The following KDM1A variants were observed in gnomAD, a reference collection of about 807,000 sequenced individuals.
The protein encoded by KDM1A is lysine demethylase 1A.
In KDM1A, 49 loss-of-function variants were observed where a neutral mutation model predicts 109.4. The observed-to-expected ratio is 0.45, with a 90% CI of 0.36 to 0.57. The LOEUF (loss-of-function observed/expected upper bound fraction) is 0.57, where lower values mean the gene tolerates loss of function less well. Ranked by LOEUF, KDM1A falls within the 20% of genes least tolerant of loss-of-function variation. The probability of loss-of-function intolerance (pLI) is 0.00; values close to 1 mark genes in which losing one functional copy is unlikely to be tolerated. For missense variants in KDM1A, 668 were observed against 1,116.6 expected (o/e 0.60, Z 5.73); for synonymous variants, 380 against 415.4 (o/e 0.91, Z 1.04).
rs541615915 is a variant in KDM1A at position 23,082,089 on chromosome 1, A to T, written c.2299-131A>T. ...TTTTAAAGCAGGCATTCATCACTTGATCACTGGCTCTCACATGTTGCCCCT... is the reference window on the plus strand; with the variant it reads ...TTTTAAAGCAGGCATTCATCACTTGTTCACTGGCTCTCACATGTTGCCCCT... On this transcript the variant is annotated intron_variant, in intron 19 of 20. Coordinates refer to ENST00000400181, the MANE Select transcript of KDM1A (RefSeq NM_001009999.3). 2.2e-5 allele frequency: 20 copies of T among 901,950 alleles called. No individual in the cohort carries two copies. In the African/African-American group the frequency reaches 2.8e-4, roughly 13 times the overall value. The allele number at this position is 901,950 out of a possible 1,614,324, so 55.9% of individuals were successfully genotyped here.
At chr1:23,030,780 T>A in intron 2 of KDM1A, 146 bp downstream of exon 2, 1 of 778,778 alleles carries the variant, frequency 1.3e-6, no homozygotes, top group Non-Finnish European at 2.0e-6. Flanking sequence ...TGTGTCTTTG[T>A]GTGTGTGTAT....
intron 1 of KDM1A, among the ~76,000 whole-genome samples, chr1:23,026,327 T>C (rs1359029616): frequency 1.3e-5 from 2 of 151,946 alleles, no homozygotes; most frequent in Non-Finnish European, 2.9e-5. Flanking sequence ...TGTTATGATA[T>C]AGGAATGCAA....
At position 23,071,372 on chromosome 1, in the gene KDM1A, T is replaced by TA; in HGVS notation, c.1548+14dup. 6.3e-7 allele frequency: 1 copy of TA among 1,580,034 alleles called. No individual in the cohort carries two copies. Among genetic ancestry groups the TA allele is most frequent in the Non-Finnish European group, 8.5e-7 (1 of 1,170,214 alleles). On this transcript the variant is annotated intron_variant, in intron 13 of 20. Coordinates refer to ENST00000400181, the MANE Select transcript of KDM1A (RefSeq NM_001009999.3). ...CGCCCTATGCAAGGTGTGGTATACA[T>TA]ACATGCCTAACTGGTTTTACTTGGA...
chr1:23,033,453 C>T (rs1331255290), intron 2 of KDM1A, among the ~76,000 whole-genome samples: 1 of 151,934 alleles, frequency 6.6e-6, no homozygotes, highest in East Asian at 1.9e-4. Context: ...ACCCGGGAGG[C>T]AGAGGTTGCA....
In KDM1A at chr1:23,081,163, G is replaced by A. The variant is rs182627293; in HGVS notation, c.2171-283G>A. 1.6e-5 allele frequency: 5 copies of A among 314,488 alleles called. No individual in the cohort carries two copies. The Admixed American group carries it at 2.3e-4, about 14-fold the overall frequency. The allele number at this position is 314,488 out of a possible 1,614,324, so 19.5% of individuals were successfully genotyped here. A position where few individuals can be genotyped will look rare whatever the true frequency, so the allele number is the denominator to read the frequency against. On this transcript the variant is annotated intron_variant, in intron 18 of 20. Transcript: ENST00000400181. ...TAATTCCCTTTTATTAGCAAGATCTGAAATTATATCTTCAGAACTGCTGTA... is the reference window on the plus strand; with the variant it reads ...TAATTCCCTTTTATTAGCAAGATCTAAAATTATATCTTCAGAACTGCTGTA...
At chr1:23,081,076 T>G (rs1207611307) in intron 18 of KDM1A, 3 of 206,226 alleles carry the variant, frequency 1.5e-5, no homozygotes, top group African/African-American at 7.0e-5. Flanking sequence ...GTAGTCATTG[T>G]CATGGAGCTA....
intron 4 of KDM1A, among the ~76,000 whole-genome samples, chr1:23,051,240 G>A (rs1642660781): frequency 6.6e-6 from 1 of 152,044 alleles, no homozygotes; most frequent in Non-Finnish European, 1.5e-5. Flanking sequence ...ATAATATTTT[G>A]TCTGACAGTT....
intron 5 of KDM1A, 64 bp from the exon 6 acceptor site, chr1:23,055,005 G>C: frequency 1.0e-6 from 1 of 1,002,052 alleles, no homozygotes; most frequent in Non-Finnish European, 1.5e-6. Flanking sequence ...AAATGGAAGA[G>C]TTAGAAGAAT....
chr1:23,071,018 C>A (rs1643303310), intron 12 of KDM1A, among the ~76,000 whole-genome samples: 1 of 152,036 alleles, frequency 6.6e-6, no homozygotes, highest in Admixed American at 6.6e-5. Flanking sequence ...GTTGTGGTAC[C>A]TTTATGTCAA....
chr1:23,035,329 A>G (rs980563477), intron 2 of KDM1A, among the ~76,000 whole-genome samples: 3 of 152,108 alleles, frequency 2.0e-5, no homozygotes, highest in African/African-American at 7.2e-5. Context: ...TAGTCTCTCA[A>G]GTAGCTGGGA....
chr1:23,037,992 C>T (rs563381644), intron 2 of KDM1A, among the ~76,000 whole-genome samples: 1 of 152,220 alleles, frequency 6.6e-6, no homozygotes, highest in African/African-American at 2.4e-5. Flanking sequence ...AGGATTTTCT[C>T]GTCTACAAAA....
intron 2 of KDM1A, among the ~76,000 whole-genome samples, chr1:23,034,124 T>C (rs1189593785): frequency 1.3e-5 from 2 of 152,194 alleles, no homozygotes; most frequent in East Asian, 1.9e-4. Flanking sequence ...TGTAGTCCTA[T>C]GGTAGTCAAA....
Position 23,079,679 on chromosome 1 carries a change from C to T in KDM1A, c.2170+12C>T, listed in dbSNP as rs1643563409. 1 of 1,527,218 alleles carries T rather than the reference C, an allele frequency of 6.5e-7. No individual in the cohort carries two copies. The highest frequency in any genetic ancestry group is 1.4e-5 in the African/African-American group (1 of 71,948). 94.6% of individuals were successfully genotyped at this position (1,527,218 alleles called of 1,614,324 possible). On this transcript the variant is annotated intron_variant, in intron 18 of 20. Transcript: ENST00000400181. The surrounding 1 kb of genome is among the most constrained non-coding windows in gnomAD (Gnocchi z 5.6). ...GAACCTCTATAAAGGTAAATGCCTTCTAATTTTAATCTTTTCCATATCCTT... is the reference window on the plus strand; with the variant it reads ...GAACCTCTATAAAGGTAAATGCCTTTTAATTTTAATCTTTTCCATATCCTT...
intron 9 of KDM1A, among the ~76,000 whole-genome samples, chr1:23,061,955 G>T (rs1230500332): frequency 6.6e-6 from 1 of 152,120 alleles, no homozygotes; most frequent in Admixed American, 6.6e-5. Flanking sequence ...CACTGTGCCT[G>T]GCCTAAACTA....
chr1:23,037,110 C>G (rs1642169035), intron 2 of KDM1A, among the ~76,000 whole-genome samples: 1 of 145,396 alleles, frequency 6.9e-6, no homozygotes, highest in South Asian at 2.2e-4. Flanking sequence ...AACCCCATCT[C>G]CACTAAAAAA....
At chr1:23,032,910 T>C (rs1351847305) in intron 2 of KDM1A, among the ~76,000 whole-genome samples, 1 of 152,222 alleles carries the variant, frequency 6.6e-6, no homozygotes, top group Non-Finnish European at 1.5e-5. Flanking sequence ...TTCGTTTTGA[T>C]ATTTTTGGAG....
intron 2 of KDM1A, among the ~76,000 whole-genome samples, chr1:23,040,507 CTACTT>C (rs1260329195): frequency 1.3e-5 from 2 of 151,946 alleles, no homozygotes; most frequent in East Asian, 3.9e-4. Flanking sequence ...TGAAGAGTCT[CTACTT>C]TAGGCCGATT....
intron 20 of KDM1A, chr1:23,082,813 T>A (rs1172544904): frequency 1.9e-5 from 4 of 208,942 alleles, no homozygotes; most frequent in Non-Finnish European, 3.9e-5. Flanking sequence ...CCAGACCTGC[T>A]GAGCTGCGAG....
intron 12 of KDM1A, among the ~76,000 whole-genome samples, chr1:23,069,897 A>G (rs1377926440): frequency 3.3e-5 from 5 of 152,226 alleles, no homozygotes; most frequent in Admixed American, 3.3e-4. Flanking sequence ...GCTTAGGGAG[A>G]AAATAGCCCC....
Sources: allele counts gnomAD v4.1 joint callset (sites outside exome capture counted in the v4.1 genomes callset), GRCh38; gene constraint gnomAD v4.1.1; non-coding constraint Gnocchi (gnomAD v3.1); transcripts MANE v1.5; gene names NCBI Gene and HGNC (gene_info 2026-07-23, HGNC 2026-07-21).